PAQR5: variants seen among roughly 807,000 people sequenced by gnomAD.
PAQR5 encodes membrane progestin receptor gamma.
A neutral mutation model predicts 34.5 loss-of-function variants in PAQR5; 20 were observed. The observed-to-expected ratio is 0.58, with a 90% confidence interval of 0.41 to 0.84. The LOEUF (loss-of-function observed/expected upper bound fraction) is 0.84. Among genes scored for constraint, PAQR5 ranks in the 40% least tolerant of loss-of-function variants. The pLI, the probability that PAQR5 is intolerant of heterozygous loss-of-function variation, is 0.00. For synonymous variants in PAQR5, 131 were observed against 155.6 expected, an observed-to-expected ratio of 0.84 and a Z score of 1.18; for missense variants, 378 against 412.7, an observed-to-expected ratio of 0.92 and a Z score of 0.73.
chr15:69,336,696 G>A (rs538061391), intron 1 of PAQR5, among the ~76,000 whole-genome samples: 2 of 152,224 alleles, frequency 1.3e-5, no homozygotes, highest in South Asian at 2.1e-4. Context: ...AATAACTCTG[G>A]AGATTGTGAC....
chr15:69,301,097 G>A (rs559912229), intron 1 of PAQR5, among the ~76,000 whole-genome samples: 42 of 150,772 alleles, frequency 2.8e-4, no homozygotes, highest in African/African-American at 8.5e-4. Context: ...TCCGCCTCCC[G>A]GGTTCAAGCA....
intron 3 of PAQR5, among the ~76,000 whole-genome samples, chr15:69,366,324 A>C (rs2055401554): frequency 6.6e-6 from 1 of 152,220 alleles, no homozygotes; most frequent in Non-Finnish European, 1.5e-5. Flanking sequence ...TATTGAATGG[A>C]TATACCATAG....
At chr15:69,355,344 TTTTCTTTCTTTC>T (rs202183150) in intron 2 of PAQR5, among the ~76,000 whole-genome samples, 7 of 56,218 alleles carry the variant, frequency 1.2e-4, no homozygotes, top group African/African-American at 3.4e-4. Context: ...TTCTTTCTTT[TTTTCTTTCTTTC>T]TTTCTTTCTT....
chr15:69,398,258 G>A (rs535851809), intron 7 of PAQR5, among the ~76,000 whole-genome samples: 1 of 152,158 alleles, frequency 6.6e-6, no homozygotes, highest in Non-Finnish European at 1.5e-5. Context: ...GAGATGGAGA[G>A]CATAAAGGAA....
chr15:69,301,859 ATTTTTTTTTTTTTTTTTT>A lies in PAQR5; in HGVS notation c.-277+2823_-277+2840del, dbSNP rs71149903. 3.7e-3 allele frequency among the ~76,000 whole-genome samples: 364 copies of A among 98,856 alleles called. 6 individuals are homozygous for A. Among genetic ancestry groups the A allele is most frequent in the Middle Eastern group, 0.015 (3 of 204 alleles). The allele number at this position is 98,856 out of a possible 152,430, so 64.9% of individuals were successfully genotyped here. A position where few individuals can be genotyped will look rare whatever the true frequency, so the allele number is the denominator to read the frequency against. On this transcript the variant is annotated intron_variant, in intron 1 of 8. Coordinates refer to ENST00000395407, the MANE Select transcript of PAQR5 (RefSeq NM_017705.4). ...GTGAATTCATAAGAAATGGGGGGAG[ATTTTTTTTTTTTTTTTTT>A]TTTTTTTTTTTTTTTTTTTAGCACA...
At chr15:69,397,322 G>A (rs1267117081) in intron 6 of PAQR5, 146 bp from the exon 7 acceptor site, 2 of 720,196 alleles carry the variant, frequency 2.8e-6, no homozygotes, top group East Asian at 2.6e-5. Context: ...GACGAGGCTG[G>A]TGGAGAAGCT....
At chr15:69,396,907 A>G (rs547120338) in intron 6 of PAQR5, 80 of 305,408 alleles carry the variant, frequency 2.6e-4, no homozygotes, top group African/African-American at 1.7e-3. Flanking sequence ...AGAGAAGGAA[A>G]GACTTCACGT....
At chr15:69,402,370 T>A (rs897296954) in intron 8 of PAQR5, among the ~76,000 whole-genome samples, 1 of 151,698 alleles carries the variant, frequency 6.6e-6, no homozygotes, top group African/African-American at 2.4e-5. Flanking sequence ...TAGGCTGGAG[T>A]GCAGTGGCAT....
intron 5 of PAQR5, among the ~76,000 whole-genome samples, chr15:69,389,316 T>C (rs895354631): frequency 7.2e-5 from 11 of 152,236 alleles, no homozygotes; most frequent in Non-Finnish European, 4.4e-5. Context: ...TGCAGGACCC[T>C]GGGCGAGTGA....
intron 2 of PAQR5, among the ~76,000 whole-genome samples, chr15:69,343,212 TTGAG>T (rs2054685328): frequency 6.6e-6 from 1 of 152,162 alleles, no homozygotes; most frequent in African/African-American, 2.4e-5. Flanking sequence ...CGACTATGAG[TTGAG>T]TATTTTGTTT....
intron 5 of PAQR5, among the ~76,000 whole-genome samples, chr15:69,388,340 C>T (rs1393638105): frequency 2.0e-5 from 3 of 152,198 alleles, no homozygotes; most frequent in Non-Finnish European, 2.9e-5. Context: ...GCCTCCCTGC[C>T]CTCAGGCTCT....
chr15:69,302,360 A>C (rs1382448734), intron 1 of PAQR5, among the ~76,000 whole-genome samples: 2 of 152,116 alleles, frequency 1.3e-5, no homozygotes, highest in Non-Finnish European at 2.9e-5. Flanking sequence ...GGTGTGATCC[A>C]CCATGCCCAG....
At chr15:69,388,035 A>T (rs2056159843) in intron 5 of PAQR5, among the ~76,000 whole-genome samples, 1 of 152,128 alleles carries the variant, frequency 6.6e-6, no homozygotes. Context: ...CCAGTGCTTG[A>T]TGTGGGGAAG....
At chr15:69,403,293 C>T (rs2056691897) in intron 8 of PAQR5, among the ~76,000 whole-genome samples, 1 of 152,108 alleles carries the variant, frequency 6.6e-6, no homozygotes, top group East Asian at 1.9e-4. Flanking sequence ...GTCAAGTATA[C>T]AATTTAATGA....
chr15:69,344,370 C>A (rs1212304460), intron 2 of PAQR5, among the ~76,000 whole-genome samples: 1 of 152,192 alleles, frequency 6.6e-6, no homozygotes, highest in East Asian at 1.9e-4. Context: ...ATCTCTAATT[C>A]CACTCATTTC....
intron 1 of PAQR5, among the ~76,000 whole-genome samples, chr15:69,316,371 G>A (rs915157342): frequency 3.2e-4 from 49 of 152,150 alleles, no homozygotes; most frequent in African/African-American, 1.1e-3. Flanking sequence ...ATGAGCCACC[G>A]TGCCCGGCCA....
chr15:69,347,031 A>T (rs1455636851), intron 2 of PAQR5, among the ~76,000 whole-genome samples: 1 of 152,260 alleles, frequency 6.6e-6, no homozygotes, highest in Middle Eastern at 3.4e-3. Context: ...CACGTTGGCC[A>T]GGCCGGTCTC....
intron 1 of PAQR5, among the ~76,000 whole-genome samples, chr15:69,334,655 A>AT (rs1347482592): frequency 6.6e-6 from 1 of 152,218 alleles, no homozygotes. Flanking sequence ...AGTTGCTAAG[A>AT]TTTAACATTG....
intron 6 of PAQR5, among the ~76,000 whole-genome samples, chr15:69,390,501 C>T (rs1444838458): frequency 5.3e-5 from 8 of 152,066 alleles, no homozygotes; most frequent in African/African-American, 1.9e-4. Context: ...GAGGTCCCTG[C>T]TCTTTGATTC....
Sources: allele counts gnomAD v4.1 joint callset (sites outside exome capture counted in the v4.1 genomes callset), GRCh38; gene constraint gnomAD v4.1.1; transcripts MANE v1.5; gene names NCBI Gene and HGNC (gene_info 2026-07-23, HGNC 2026-07-21).